The following REEP5 variants were observed in gnomAD, a reference collection of about 807,000 sequenced individuals.
The protein encoded by REEP5 is receptor expression-enhancing protein 5.
REEP5 carries 24 observed loss-of-function variants against 22.4 expected under a neutral mutation model. The ratio of observed to expected loss-of-function variants is 1.07; its 90% CI spans 0.78 to 1.51. The LOEUF is 1.51. REEP5 is among the 40% of genes most tolerant of loss of function. The pLI is 0.00. For synonymous variants in REEP5, 103 were observed against 88.6 expected, an observed-to-expected ratio of 1.16 and a Z score of -0.92; for missense variants, 252 against 233.0, an observed-to-expected ratio of 1.08 and a Z score of -0.53.
intron 3 of REEP5, among the ~76,000 whole-genome samples, chr5:112,890,133 A>G (rs1768390018): frequency 6.7e-6 from 1 of 149,876 alleles, no homozygotes; most frequent in African/African-American, 2.5e-5. Flanking sequence ...GGCCACAAAA[A>G]ATAAATTTAA....
At chr5:112,918,222 G>A (rs1769272815) in intron 2 of REEP5, among the ~76,000 whole-genome samples, 1 of 152,150 alleles carries the variant, frequency 6.6e-6, no homozygotes, top group South Asian at 2.1e-4. Context: ...AGAGCTCAAA[G>A]GGAAATTATG....
At chr5:112,880,610 A>G (rs762084578) in intron 4 of REEP5, among the ~76,000 whole-genome samples, 1 of 152,256 alleles carries the variant, frequency 6.6e-6, no homozygotes, top group Non-Finnish European at 1.5e-5. Context: ...AAAAGCTTTG[A>G]GAAAAGTCTA....
chr5:112,878,008 TGTGTGTGTG>T lies in REEP5; in HGVS notation c.*769_*777del. 1 of 148,056 alleles carries T rather than the reference TGTGTGTGTG, an allele frequency of 6.8e-6. No individual in the cohort carries two copies. Among genetic ancestry groups the T allele is most frequent in the South Asian group, 2.2e-4 (1 of 4,488 alleles). 9.2% of individuals were successfully genotyped at this position (148,056 alleles called of 1,614,324 possible). On this transcript the variant is annotated 3_prime_UTR_variant, in exon 5 of 5. Transcript: ENST00000379638. ...GTGTGTGTGTGTGTGTGTGTGTGTGTGTGTGTGTGTGTGTAAATTTCCCGATTTATCACT... is the reference window on the plus strand; with the variant it reads ...GTGTGTGTGTGTGTGTGTGTGTGTGTTGTGTAAATTTCCCGATTTATCACT...
rs982485104 is a variant in REEP5 at position 112,890,481 on chromosome 5, G to A, written c.352-3298C>T. On this transcript the variant is annotated intron_variant, in intron 3 of 4. Coordinates refer to ENST00000379638, the MANE Select transcript of REEP5 (RefSeq NM_005669.5). ...CTTCCTGGGCTCAAGTGATTCTCCC[G>A]CCTCAGCCCCCCAGGTAGCTGAAGA... 2.0e-5 allele frequency among the ~76,000 whole-genome samples: 3 copies of A among 149,634 alleles called. 1 individual carries two copies. Among genetic ancestry groups the A allele is most frequent in the Admixed American group, 6.7e-5 (1 of 14,964 alleles).
At chr5:112,915,155 G>A (rs1298832389) in intron 2 of REEP5, among the ~76,000 whole-genome samples, 1 of 151,970 alleles carries the variant, frequency 6.6e-6, no homozygotes, top group Non-Finnish European at 1.5e-5. Context: ...AGGAGATGAG[G>A]GAGGCTACGA....
chr5:112,891,769 A>G (rs1223239483), intron 3 of REEP5: 1 of 1,613,756 alleles, frequency 6.2e-7, no homozygotes, highest in Non-Finnish European at 8.5e-7. Flanking sequence ...TGCTCGACTG[A>G]GAGACTCAGG....
At position 112,880,990 on chromosome 5, in the gene REEP5, G is replaced by A. The variant is rs182392860; in HGVS notation, c.521-2155C>T. Among the ~76,000 whole-genome samples the A allele has an allele frequency of 1.8e-4, 27 of 152,140 alleles. No homozygotes were observed. The East Asian group carries it at 5.0e-3, about 28-fold the overall frequency. On this transcript the variant is annotated intron_variant, in intron 4 of 4. Transcript: ENST00000379638. ...CTAAAAATACAAGTATCAGCTGGGC[G>A]TGGTGGCCCACACCTGTAATCACAG...
chr5:112,914,826 T>G (rs914183108), intron 2 of REEP5, among the ~76,000 whole-genome samples: 1 of 152,094 alleles, frequency 6.6e-6, no homozygotes, highest in Non-Finnish European at 1.5e-5. Context: ...TGACTCAGAG[T>G]GACTGATAAG....
chr5:112,892,789 G>C (rs760981548), intron 3 of REEP5: 2 of 1,613,994 alleles, frequency 1.2e-6, no homozygotes, highest in African/African-American at 2.7e-5. Context: ...CAGGCAGCGG[G>C]GAAGGAGAAA....
chr5:112,879,384 A>C (rs1226150596), intron 4 of REEP5, among the ~76,000 whole-genome samples: 1 of 152,048 alleles, frequency 6.6e-6, no homozygotes, highest in Non-Finnish European at 1.5e-5. Flanking sequence ...AACCCTACAG[A>C]TACCAAAATC....
intron 3 of REEP5, chr5:112,893,211 G>A (rs57726881): frequency 0.025 from 9,528 of 385,698 alleles, 426 homozygotes; most frequent in East Asian, 0.14. Flanking sequence ...GGAGTTTGAG[G>A]CCAGCCTGGC....
intron 4 of REEP5, among the ~76,000 whole-genome samples, chr5:112,879,586 G>A (rs1407002505): frequency 2.0e-5 from 3 of 152,048 alleles, no homozygotes; most frequent in African/African-American, 7.2e-5. Context: ...CCATTCTCCT[G>A]CCTCAGCCTC....
At chr5:112,883,833 G>T (rs1212533133) in intron 4 of REEP5, among the ~76,000 whole-genome samples, 1 of 151,978 alleles carries the variant, frequency 6.6e-6, no homozygotes, top group Non-Finnish European at 1.5e-5. Flanking sequence ...GTCTTCTCCA[G>T]CTCAGTGGCA....
chr5:112,889,903 T>G (rs2150038032), intron 3 of REEP5, among the ~76,000 whole-genome samples: 1 of 149,784 alleles, frequency 6.7e-6, no homozygotes, highest in Non-Finnish European at 1.5e-5. Context: ...ATCAGCTCAC[T>G]GCAACCTCCG....
At chr5:112,916,937 A>G (rs1380032461) in intron 2 of REEP5, among the ~76,000 whole-genome samples, 7 of 152,236 alleles carry the variant, frequency 4.6e-5, no homozygotes, top group South Asian at 4.1e-4. Context: ...AGATATGTAC[A>G]TATCTGTTAA....
intron 2 of REEP5, among the ~76,000 whole-genome samples, chr5:112,915,193 T>A (rs1769204429): frequency 6.6e-6 from 1 of 151,110 alleles, no homozygotes; most frequent in Non-Finnish European, 1.5e-5. Flanking sequence ...AGACTAAATC[T>A]CCAGGGCCTT....
At chr5:112,921,277 A>C in intron 1 of REEP5, 21 bp from the exon 2 acceptor site, 1 of 1,612,470 alleles carries the variant, frequency 6.2e-7, no homozygotes, top group Non-Finnish European at 8.5e-7. Context: ...CAAGGAGAGA[A>C]GTGGGTCGGG....
At chr5:112,898,241 A>G (rs1035951078) in intron 3 of REEP5, 2 of 152,238 alleles carry the variant, frequency 1.3e-5, no homozygotes, top group Admixed American at 1.3e-4. Flanking sequence ...CAGTCTGTTC[A>G]CTAGGTCATT....
chr5:112,901,776 T>TA (rs911815645), intron 3 of REEP5, among the ~76,000 whole-genome samples: 1 of 149,986 alleles, frequency 6.7e-6, no homozygotes, highest in Non-Finnish European at 1.5e-5. Flanking sequence ...AATAGATTTT[T>TA]AAAAAAACCA....
Sources: allele counts gnomAD v4.1 joint callset (sites outside exome capture counted in the v4.1 genomes callset), GRCh38; gene constraint gnomAD v4.1.1; transcripts MANE v1.5; gene names NCBI Gene and HGNC (gene_info 2026-07-23, HGNC 2026-07-21).